The following TMEM128 variants were observed in gnomAD, a reference collection of about 807,000 sequenced individuals.
TMEM128 encodes transmembrane protein 128.
In TMEM128, 16 loss-of-function variants were observed where a neutral mutation model predicts 19.7. The ratio of observed to expected loss-of-function variants is 0.81; its 90% CI spans 0.55 to 1.23. TMEM128 has a LOEUF of 1.23. Among genes scored for constraint, TMEM128 ranks in the 50% most tolerant of loss-of-function variants. TMEM128 has a pLI of 0.00. For missense variants in TMEM128, 237 were observed against 200.8 expected (o/e 1.18, Z -1.09); for synonymous variants, 98 against 75.8 (o/e 1.29, Z -1.52).
intron 1 of TMEM128, among the ~76,000 whole-genome samples, chr4:4,247,415 T>C (rs183880510): frequency 5.8e-4 from 88 of 152,340 alleles, no homozygotes; most frequent in African/African-American, 2.0e-3. Context: ...TATTCGTGTT[T>C]TTAATTTTAA....
At position 4,248,180 on chromosome 4, in the gene TMEM128, T is replaced by G; in HGVS notation, c.23A>C (p.Gln8Pro). 7.8e-6 allele frequency: 12 copies of G among 1,530,996 alleles called. No individual in the cohort carries two copies. The highest frequency in any genetic ancestry group is 1.4e-5 in the African/African-American group (1 of 71,758). 94.8% of individuals were successfully genotyped at this position (1,530,996 alleles called of 1,614,324 possible). MDSSRAR[Q>P]QLRRRFLLLP... is the part of the protein sequence containing the mutation. Reference sequence around the variant, plus strand: ...GAGGAGGAATCGCCGCCGGAGCTGCTGCCGGGCCCGCGAGGAGTCCATCTT... The same window carrying G: ...GAGGAGGAATCGCCGCCGGAGCTGCGGCCGGGCCCGCGAGGAGTCCATCTT... Residue 8 changes from glutamine to proline, a missense_variant, in exon 1 of 5, where the codon CAG becomes CCG. Gln to Pro is a moderately conservative substitution (Grantham distance 76). Coordinates refer to ENST00000382753, the MANE Select transcript of TMEM128 (RefSeq NM_001297551.2).
intron 2 of TMEM128, among the ~76,000 whole-genome samples, chr4:4,245,733 T>C (rs1022151559): frequency 2.6e-5 from 4 of 152,096 alleles, no homozygotes; most frequent in African/African-American, 9.7e-5. Context: ...ATATTCAAGG[T>C]ATACAGTGTG....
rs199708507 is a variant in TMEM128 at position 4,239,447 on chromosome 4, GGACA to G, written c.398+870_398+873del. 8.4e-3 allele frequency among the ~76,000 whole-genome samples: 1,273 copies of G among 152,250 alleles called. 15 individuals carry two copies. The highest frequency in any genetic ancestry group is 0.025 in the African/African-American group (1,059 of 41,536). On this transcript the variant is annotated intron_variant, in intron 3 of 4. Transcript: ENST00000382753. ...TCCACTGAAAAACAAAAGGAGAAAA[GGACA>G]AACAACCACTTTGGAAAGCAGTTTG... is the stretch of plus-strand genomic sequence containing the variant.
At position 4,235,950 on chromosome 4, in the gene TMEM128, AT is replaced by A. The variant is rs1200703104; in HGVS notation, c.*315del. ...ACTTCTGTATCACTGACTTCTGAAA[AT>A]TTTAATAATTTATGCATATGCAAGT... On this transcript the variant is annotated 3_prime_UTR_variant, in exon 5 of 5. Transcript: ENST00000382753. 6.6e-6 allele frequency: 1 copy of A among 152,308 alleles called. No homozygotes were observed. The highest frequency in any genetic ancestry group is 2.4e-5 in the African/African-American group (1 of 41,456). 9.4% of individuals were successfully genotyped at this position (152,308 alleles called of 1,614,324 possible).
chr4:4,243,796 G>A (rs939832678), intron 2 of TMEM128, among the ~76,000 whole-genome samples: 5 of 151,890 alleles, frequency 3.3e-5, no homozygotes, highest in Admixed American at 2.0e-4. Context: ...TGTGGTCCTG[G>A]GCACTCCACT....
Position 4,246,081 on chromosome 4 carries a change from C to T in TMEM128, c.239+121G>A, listed in dbSNP as rs1002470986. The T allele has an allele frequency of 1.5e-5, 15 of 1,018,138 alleles. No individual in the cohort carries two copies. The African/African-American group carries it at 2.0e-4, about 13-fold the overall frequency. The allele number at this position is 1,018,138 out of a possible 1,614,324, so 63.1% of individuals were successfully genotyped here. On this transcript the variant is annotated intron_variant, in intron 2 of 4. Coordinates refer to ENST00000382753, the MANE Select transcript of TMEM128 (RefSeq NM_001297551.2). The stretch of plus-strand genomic sequence containing the variant: ...TCATATTCATCTTCGTATCACCACA[C>T]CTCCAACACAGGGCCTGGCAGAGAG...
chr4:4,247,285 T>G (rs1462594769), intron 1 of TMEM128, among the ~76,000 whole-genome samples: 1 of 152,152 alleles, frequency 6.6e-6, no homozygotes, highest in Non-Finnish European at 1.5e-5. Context: ...CACGTGAGAA[T>G]CAATGGTCCA....
chr4:4,247,392 C>T (rs778244907), intron 1 of TMEM128, among the ~76,000 whole-genome samples: 4 of 152,146 alleles, frequency 2.6e-5, no homozygotes, highest in Non-Finnish European at 4.4e-5. Context: ...ATCATCATGC[C>T]TGGGCATGAG....
At chr4:4,246,367 T>C (rs1389615773) in intron 1 of TMEM128, 24 bp from the exon 2 acceptor site, 2 of 1,577,388 alleles carry the variant, frequency 1.3e-6, no homozygotes, top group Non-Finnish European at 1.7e-6. Flanking sequence ...AGATTTCAAC[T>C]TATTAAGTTA....
At chr4:4,238,823 A>G (rs1425555328) in intron 3 of TMEM128, among the ~76,000 whole-genome samples, 1 of 152,194 alleles carries the variant, frequency 6.6e-6, no homozygotes, top group Non-Finnish European at 1.5e-5. Flanking sequence ...GCTTGAGGCC[A>G]GGAGTTTGAG....
At chr4:4,237,675 T>C (rs62286912) in intron 4 of TMEM128, among the ~76,000 whole-genome samples, 152 bp downstream of exon 4, 1 of 152,238 alleles carries the variant, frequency 6.6e-6, no homozygotes, top group Non-Finnish European at 1.5e-5. Flanking sequence ...CAGAGTTCAA[T>C]GAATGGATAA....
intron 4 of TMEM128, chr4:4,236,954 C>T: frequency 3.1e-6 from 1 of 318,632 alleles, no homozygotes; most frequent in Non-Finnish European, 6.3e-6. Flanking sequence ...CTTTGTCCTT[C>T]TCACCATGCC....
chr4:4,247,893 T>C (rs2916464), intron 1 of TMEM128: 557,109 of 1,429,304 alleles, frequency 0.39, 110,133 homozygotes, highest in African/African-American at 0.5. Context: ...TATTTCCAAA[T>C]AGGTGTCAAA....
In TMEM128 at chr4:4,239,416, T is replaced by C. The variant is rs547776573; in HGVS notation, c.398+905A>G. On this transcript the variant is annotated intron_variant, in intron 3 of 4. Coordinates refer to ENST00000382753, the MANE Select transcript of TMEM128 (RefSeq NM_001297551.2). ...ACCATTATGGAAGAATCCCAAACTATAAGGATCCACTGAAAAACAAAAGGA... is the reference window on the plus strand; with the variant it reads ...ACCATTATGGAAGAATCCCAAACTACAAGGATCCACTGAAAAACAAAAGGA... Among the ~76,000 whole-genome samples the C allele has an allele frequency of 3.9e-3, 601 of 152,190 alleles. 2 individuals are homozygous for C. Among genetic ancestry groups the C allele is most frequent in the African/African-American group, 0.013 (555 of 41,518 alleles).
rs7654968 is a variant in TMEM128, at chr4:4,246,410, C to T, written c.98-67G>A. The T allele has an allele frequency of 1.0e-4, 151 of 1,485,406 alleles. No individual in the cohort carries two copies. The African/African-American group carries it at 1.9e-3, about 19-fold the overall frequency. The allele number at this position is 1,485,406 out of a possible 1,614,324, so 92.0% of individuals were successfully genotyped here. A position where few individuals can be genotyped will look rare whatever the true frequency, so the allele number is the denominator to read the frequency against. ...TTTGCGAGGAAAAATTACACTTAAG[C>T]CAAATAAAATCATTTCCTAGAGCTA... On this transcript the variant is annotated intron_variant, in intron 1 of 4. Coordinates refer to ENST00000382753, the MANE Select transcript of TMEM128 (RefSeq NM_001297551.2).
intron 2 of TMEM128, among the ~76,000 whole-genome samples, chr4:4,240,816 G>A (rs953254943): frequency 6.6e-6 from 1 of 152,208 alleles, no homozygotes; most frequent in Non-Finnish European, 1.5e-5. Flanking sequence ...AGTGGCTCAT[G>A]CCTATAATCC....
At chr4:4,246,624 G>C (rs1047627116) in intron 1 of TMEM128, among the ~76,000 whole-genome samples, 1 of 152,134 alleles carries the variant, frequency 6.6e-6, no homozygotes, top group Non-Finnish European at 1.5e-5. Context: ...GGAAATGTAA[G>C]AATTTTAATA....
intron 2 of TMEM128, 104 bp from the exon 3 acceptor site, chr4:4,240,583 A>C: frequency 3.1e-6 from 4 of 1,271,436 alleles, no homozygotes; most frequent in Non-Finnish European, 4.3e-6. Flanking sequence ...AAGAATATCA[A>C]GTGTTGCAGA....
At chr4:4,238,088 A>G (rs936151220) in intron 3 of TMEM128, among the ~76,000 whole-genome samples, 153 bp from the exon 4 acceptor site, 5 of 152,260 alleles carry the variant, frequency 3.3e-5, no homozygotes, top group African/African-American at 1.2e-4. Flanking sequence ...GACTTAGCCA[A>G]TGCTGGAAAG....
Sources: gnomAD v4.1 joint callset for allele counts (sites outside exome capture counted in the v4.1 genomes callset) on GRCh38, gnomAD v4.1.1 for gene constraint, MANE v1.5 for transcripts, NCBI Gene and HGNC (gene_info 2026-07-23, HGNC 2026-07-21) for gene names.